HYDIN: variants seen among roughly 807,000 people sequenced by gnomAD.
HYDIN encodes the protein axonemal central pair apparatus protein HYDIN.
In HYDIN, 132 loss-of-function variants were observed where a neutral mutation model predicts 403.9. The observed-to-expected ratio is 0.33, with a 90% CI of 0.28 to 0.38. The LOEUF is 0.38. Ranked by LOEUF, HYDIN falls within the 10% of genes least tolerant of loss-of-function variation. HYDIN has a pLI of 1.00. For synonymous variants in HYDIN, 1,202 were observed against 1,891.7 expected (o/e 0.64, Z 9.46); for missense variants, 2,827 against 5,009.5 (o/e 0.56, Z 13.15).
At chr16:71,063,386 A>G (rs2082155121) in intron 16 of HYDIN, among the ~76,000 whole-genome samples, 1 of 152,188 alleles carries the variant, frequency 6.6e-6, no homozygotes, top group Admixed American at 6.5e-5. Context: ...TTTATTATGG[A>G]TTTTTTGGAA....
intron 84 of HYDIN, among the ~76,000 whole-genome samples, chr16:70,816,204 G>A (rs546639512): frequency 2.6e-5 from 4 of 152,062 alleles, no homozygotes; most frequent in African/African-American, 9.6e-5. Context: ...ACCACACACT[G>A]GGCCATAAAA....
rs748968493 is a variant in HYDIN, at chr16:70,818,467, G to T, written c.14533C>A (p.Arg4845=). The T allele has an allele frequency of 1.9e-6, 3 of 1,542,588 alleles. No individual in the cohort carries two copies. The highest frequency in any genetic ancestry group is 3.6e-5 in the Admixed American group (2 of 56,268). The change falls in exon 84 of 86, where the codon CGG becomes AGG. Residue 4845 remains arginine (R), a synonymous_variant. Transcript: ENST00000393567. ...IKTIEMVTPV[R]QVASASIKLE... ...TTGATGGAGGCTGACGCAACTTGCC[G>T]GACTGGGGTCACCATCTCGATGGTT...
intron 18 of HYDIN, among the ~76,000 whole-genome samples, chr16:71,044,863 G>T (rs2081402050): frequency 1.3e-5 from 2 of 150,350 alleles, no homozygotes; most frequent in Admixed American, 1.3e-4. Context: ...AATTGTAGAG[G>T]TACTTTGAGG....
intron 9 of HYDIN, among the ~76,000 whole-genome samples, chr16:71,116,652 G>A (rs560176194): frequency 1.3e-5 from 2 of 152,220 alleles, no homozygotes; most frequent in Non-Finnish European, 2.9e-5. Flanking sequence ...CACCAACAGT[G>A]TACAAGGGTT....
At chr16:71,032,507 CAT>C (rs2080952148) in intron 18 of HYDIN, among the ~76,000 whole-genome samples, 1 of 146,842 alleles carries the variant, frequency 6.8e-6, no homozygotes. Flanking sequence ...GAAATACAGA[CAT>C]GTGTTACTTA....
At chr16:71,186,207 T>A (rs1386618859) in intron 2 of HYDIN, among the ~76,000 whole-genome samples, 1 of 152,144 alleles carries the variant, frequency 6.6e-6, no homozygotes, top group African/African-American at 2.4e-5. Flanking sequence ...GCACTATACA[T>A]TTTTACTAAT....
intron 10 of HYDIN, among the ~76,000 whole-genome samples, chr16:71,108,415 G>A (rs1174398527): frequency 6.6e-6 from 1 of 152,036 alleles, no homozygotes; most frequent in Non-Finnish European, 1.5e-5. Flanking sequence ...TGCAGTGAGA[G>A]GAGTATGATT....
intron 84 of HYDIN, among the ~76,000 whole-genome samples, chr16:70,810,773 T>A (rs2143426846): frequency 6.6e-6 from 1 of 151,956 alleles, no homozygotes; most frequent in East Asian, 1.9e-4. Flanking sequence ...GAGGTTGCAG[T>A]GAGCCAAGAT....
At chr16:70,973,130 C>T (rs906867505) in intron 35 of HYDIN, among the ~76,000 whole-genome samples, 1 of 152,184 alleles carries the variant, frequency 6.6e-6, no homozygotes, top group African/African-American at 2.4e-5. Context: ...TAACCCAGGC[C>T]TTCTGATAAA....
intron 6 of HYDIN, among the ~76,000 whole-genome samples, chr16:71,158,634 G>T: frequency 6.9e-6 from 1 of 144,604 alleles, no homozygotes. Context: ...AATGGGTATT[G>T]TGAATGGTGG....
intron 77 of HYDIN, 49 bp downstream of exon 77, chr16:70,837,641 G>A (rs770978919): frequency 2.6e-4 from 420 of 1,608,548 alleles, no homozygotes; most frequent in Non-Finnish European, 3.5e-4. Context: ...AGGATGAGAA[G>A]GGTAGAAAGG....
At chr16:71,184,768 G>A (rs1217820712) in intron 3 of HYDIN, 97 bp downstream of exon 3, 2 of 1,023,660 alleles carry the variant, frequency 2.0e-6, no homozygotes, top group Non-Finnish European at 2.8e-6. Flanking sequence ...CCCAATAAAG[G>A]ATTAGGTAGC....
chr16:71,118,749 T>C (rs1487512251), intron 9 of HYDIN, among the ~76,000 whole-genome samples: 1 of 151,828 alleles, frequency 6.6e-6, no homozygotes, highest in Non-Finnish European at 1.5e-5. Context: ...GGGGTTTTAG[T>C]GATATGCAGT....
chr16:71,190,519 T>G (rs2087383155), intron 1 of HYDIN, among the ~76,000 whole-genome samples: 1 of 152,244 alleles, frequency 6.6e-6, no homozygotes, highest in East Asian at 1.9e-4. Context: ...ATTGCATTGT[T>G]GGTTAACCAA....
rs537661950 is a variant in HYDIN at position 70,899,751 on chromosome 16, C to T, written c.9048+1253G>A. Among the ~76,000 whole-genome samples the T allele has an allele frequency of 3.5e-4, 54 of 152,344 alleles. 1 individual carries two copies. The South Asian group carries it at 0.011, about 31-fold the overall frequency. On this transcript the variant is annotated intron_variant, in intron 53 of 85. Coordinates refer to ENST00000393567, the MANE Select transcript of HYDIN (RefSeq NM_001270974.2). ...ATGGAAGACGGGGTGGGTTATTGCA[C>T]GTAAGAGGGATTCTCTCAAAGGGAT... is the stretch of plus-strand genomic sequence containing the variant.
At chr16:71,171,907 T>C (rs926106077) in intron 5 of HYDIN, among the ~76,000 whole-genome samples, 2 of 152,210 alleles carry the variant, frequency 1.3e-5, no homozygotes, top group African/African-American at 4.8e-5. Flanking sequence ...CCTTTCTATG[T>C]ATCAGGCCCT....
intron 23 of HYDIN, among the ~76,000 whole-genome samples, chr16:71,002,355 TG>T (rs1212670281): frequency 6.6e-6 from 1 of 152,100 alleles, no homozygotes; most frequent in East Asian, 1.9e-4. Context: ...AGACCAGCCT[TG>T]GCAACATAAT....
intron 4 of HYDIN, 121 bp downstream of exon 4, chr16:71,178,807 T>C (rs964331533): frequency 3.9e-5 from 32 of 823,798 alleles, no homozygotes; most frequent in African/African-American, 6.9e-5. Flanking sequence ...GATGTTTTCA[T>C]ACTATTTTCC....
intron 23 of HYDIN, among the ~76,000 whole-genome samples, chr16:70,999,882 G>A (rs1180097987): frequency 1.3e-5 from 2 of 152,156 alleles, no homozygotes; most frequent in African/African-American, 2.4e-5. Flanking sequence ...AATCTACCTC[G>A]AAGCTCTCTA....
Sources: allele counts gnomAD v4.1 joint callset (sites outside exome capture counted in the v4.1 genomes callset), GRCh38; gene constraint gnomAD v4.1.1; transcripts MANE v1.5; gene names NCBI Gene and HGNC (gene_info 2026-07-23, HGNC 2026-07-21).